PDK4: variants seen among roughly 807,000 people sequenced by gnomAD.
PDK4 encodes the protein pyruvate dehydrogenase kinase 4.
In PDK4, 43 loss-of-function variants were observed where a neutral mutation model predicts 51.7. That is an observed-to-expected ratio of 0.83 (90% CI 0.65 to 1.07). The LOEUF (loss-of-function observed/expected upper bound fraction) is 1.07, where lower values mean the gene tolerates loss of function less well. Ranked by LOEUF, PDK4 falls within the 50% of genes least tolerant of loss-of-function variation. The probability of loss-of-function intolerance (pLI) is 0.00; values close to 1 mark genes in which losing one functional copy is unlikely to be tolerated. For missense variants in PDK4, 498 were observed against 503.5 expected (o/e 0.99, Z 0.10); for synonymous variants, 170 against 176.6 (o/e 0.96, Z 0.30).
intron 2 of PDK4, chr7:95,594,674 T>C (rs1791593935): frequency 6.4e-6 from 1 of 156,278 alleles, no homozygotes; most frequent in South Asian, 2.0e-4. Context: ...GTCATGTGAA[T>C]TGGTTTCTAG....
chr7:95,590,352 T>C (rs1417164903), intron 6 of PDK4, among the ~76,000 whole-genome samples: 1 of 152,046 alleles, frequency 6.6e-6, no homozygotes, highest in Non-Finnish European at 1.5e-5. Context: ...TCTTATATGT[T>C]AAATATGCTA....
intron 5 of PDK4, 38 bp downstream of exon 5, chr7:95,592,473 C>T (rs750999457): frequency 9.7e-6 from 11 of 1,130,632 alleles, no homozygotes; most frequent in Non-Finnish European, 1.5e-5. Flanking sequence ...ATATATTGTA[C>T]ATTTTCAATA....
intron 2 of PDK4, 56 bp from the exon 3 acceptor site, chr7:95,593,826 C>T (rs1791582523): frequency 1.4e-6 from 1 of 740,104 alleles, no homozygotes; most frequent in South Asian, 1.7e-5. Context: ...ATACAAATGG[C>T]TGAAAATAGA....
intron 2 of PDK4, 65 bp downstream of exon 2, chr7:95,594,958 G>A (rs1251856711): frequency 3.5e-6 from 4 of 1,128,712 alleles, no homozygotes; most frequent in Non-Finnish European, 5.2e-6. Context: ...TGTTAACATA[G>A]TATAAGAATT....
At chr7:95,591,081 G>A (rs764790545) in intron 6 of PDK4, among the ~76,000 whole-genome samples, 2 of 152,078 alleles carry the variant, frequency 1.3e-5, no homozygotes, top group African/African-American at 2.4e-5. Context: ...GGGACTACAC[G>A]TGTGTGCCAC....
chr7:95,592,602 T>C lies in PDK4; in HGVS notation c.530-5A>G. Reference sequence around the variant, plus strand: ...GTGAGTCACTAAATATAAGAACTGTTGAAAAATAAAAACAAAAAAAAATTG... The same window carrying C: ...GTGAGTCACTAAATATAAGAACTGTCGAAAAATAAAAACAAAAAAAAATTG... On this transcript the variant is annotated splice_region_variant and splice_polypyrimidine_tract_variant and intron_variant, in intron 4 of 10. Transcript: ENST00000005178. 6.3e-7 allele frequency: 1 copy of C among 1,591,384 alleles called. No homozygotes were observed. Among genetic ancestry groups the C allele is most frequent in the African/African-American group, 1.3e-5 (1 of 74,376 alleles).
chr7:95,594,363 A>C (rs1249900441), intron 2 of PDK4, among the ~76,000 whole-genome samples: 1 of 152,134 alleles, frequency 6.6e-6, no homozygotes, highest in Non-Finnish European at 1.5e-5. Flanking sequence ...ATCTTCATTT[A>C]TAAAATGAGA....
In PDK4 at chr7:95,585,681, C is replaced by A. The variant is rs1485276784; in HGVS notation, c.1196G>T (p.Ser399Ile). ...SSEADDWCIP[S>I]REPKNLAKEV... Reference sequence around the variant, plus strand: ...TTTTGCCAGGTTCTTTGGTTCCCTGCTTGGGATACACCAGTCATCAGCCTC... The same window carrying A: ...TTTTGCCAGGTTCTTTGGTTCCCTGATTGGGATACACCAGTCATCAGCCTC... The change falls in exon 11 of 11, where the codon AGC (serine) becomes ATC (isoleucine). Residue 399 changes from serine to isoleucine, a missense_variant. Ser to Ile is a moderately radical substitution (Grantham distance 142). Coordinates refer to ENST00000005178, the MANE Select transcript of PDK4 (RefSeq NM_002612.4). The A allele has an allele frequency of 6.2e-7, 1 of 1,611,518 alleles. No homozygotes were observed.
At chr7:95,593,892 AC>A (rs1488119881) in intron 2 of PDK4, 122 bp from the exon 3 acceptor site, 4 of 445,554 alleles carry the variant, frequency 9.0e-6, no homozygotes, top group Non-Finnish European at 1.6e-5. Flanking sequence ...CAAACTTAAA[AC>A]TTTCCTCCAG....
At chr7:95,592,110 C>A in intron 5 of PDK4, 45 bp from the exon 6 acceptor site, 1 of 1,063,296 alleles carries the variant, frequency 9.4e-7, no homozygotes, top group Non-Finnish European at 1.4e-6. Flanking sequence ...GAGTTTATGC[C>A]AAGTACAGTT....
Position 95,587,743 on chromosome 7 carries a change from T to C in PDK4, c.854A>G (p.Glu285Gly). 2 of 1,610,166 alleles carry C rather than the reference T, an allele frequency of 1.2e-6. No individual in the cohort carries two copies. Among genetic ancestry groups the C allele is most frequent in the Non-Finnish European group, 1.7e-6 (2 of 1,176,420 alleles). Residue 285 changes from glutamate to glycine, a missense_variant, in exon 8 of 11, where the codon GAA becomes GGA. Coordinates refer to ENST00000005178, the MANE Select transcript of PDK4 (RefSeq NM_002612.4). ...AATGGTTACCTTAATGGTAAGGTCT[T>C]CTTTTCCCAAGACAACAATAACCTC... ...PIEVIVVLGK[E>G]DLTIKISDRG...
chr7:95,591,938 G>A (rs1341827775), intron 6 of PDK4, 50 bp downstream of exon 6: 3 of 921,552 alleles, frequency 3.3e-6, no homozygotes, highest in Non-Finnish European at 5.1e-6. Flanking sequence ...ATAATATTAG[G>A]AGAACACAGA....
chr7:95,596,477 A>AGG lies in PDK4; in HGVS notation c.-185_-184insCC, dbSNP rs17166978. 0.22 allele frequency: 121,283 copies of AGG among 556,746 alleles called. 18,153 individuals carry two copies. The highest frequency in any genetic ancestry group is 0.67 in the East Asian group (18,910 of 28,180). The allele number at this position is 556,746 out of a possible 1,614,324, so 34.5% of individuals were successfully genotyped here. A position where few individuals can be genotyped will look rare whatever the true frequency, so the allele number is the denominator to read the frequency against. ...GCCGCGGAGTGAAGAGTCTGGGCAG[A>AGG]GTCGGAGATGCAGTGGTTCGAGATT... On this transcript the variant is annotated 5_prime_UTR_variant, in exon 1 of 11. Transcript: ENST00000005178.
At position 95,585,639 on chromosome 7, in the gene PDK4, C is replaced by T; in HGVS notation, c.*2G>A. 6.2e-7 allele frequency: 1 copy of T among 1,608,012 alleles called. No homozygotes were observed. Among genetic ancestry groups the T allele is most frequent in the Non-Finnish European group, 8.5e-7 (1 of 1,175,646 alleles). ...CCCGTAAAGTGTCCTGAGTGTCCCT[C>T]TTCACATGGCCACTTCTTTTGCCAG... On this transcript the variant is annotated 3_prime_UTR_variant, in exon 11 of 11. Transcript: ENST00000005178.
chr7:95,596,299 C>G lies in PDK4; in HGVS notation c.-6G>C. 2 of 1,567,126 alleles carry G rather than the reference C, an allele frequency of 1.3e-6. No homozygotes were observed. The highest frequency in any genetic ancestry group is 1.2e-5 in the South Asian group (1 of 85,932). ...ACGAAGCGGGCCGCCTTCATCTTGA[C>G]GCCCACCCGGCCTGGCGGGGACTGT... On this transcript the variant is annotated 5_prime_UTR_variant, in exon 1 of 11. Transcript: ENST00000005178.
intron 7 of PDK4, 69 bp downstream of exon 7, chr7:95,589,571 A>C (rs753652441): frequency 1.4e-5 from 11 of 773,974 alleles, no homozygotes; most frequent in Admixed American, 9.3e-5. Context: ...GCGAATAATA[A>C]AGGAGATAAA....
At chr7:95,587,941 T>G (rs1020506669) in intron 7 of PDK4, 116 bp from the exon 8 acceptor site, 1 of 693,174 alleles carries the variant, frequency 1.4e-6, no homozygotes, top group Admixed American at 2.7e-5. Flanking sequence ...GTTCCTATTT[T>G]TTTAAGTTAG....
chr7:95,587,691 C>T lies in PDK4; in HGVS notation c.870+36G>A, dbSNP rs202019690. On this transcript the variant is annotated intron_variant, in intron 8 of 10. Coordinates refer to ENST00000005178, the MANE Select transcript of PDK4 (RefSeq NM_002612.4). ...TACTATTGACCCTATTTAATTCTCT[C>T]AAGAGACACCCAAAAGGAAAACAGA... 4.3e-4 allele frequency: 624 copies of T among 1,436,884 alleles called. 2 individuals carry two copies. Among genetic ancestry groups the T allele is most frequent in the Middle Eastern group, 1.4e-3 (8 of 5,704 alleles). 89.0% of individuals were successfully genotyped at this position (1,436,884 alleles called of 1,614,324 possible). A position where few individuals can be genotyped will look rare whatever the true frequency, so the allele number is the denominator to read the frequency against.
chr7:95,596,280 C>A lies in PDK4; in HGVS notation c.14G>T (p.Arg5Leu). 1.9e-6 allele frequency: 3 copies of A among 1,576,240 alleles called. No homozygotes were observed. The highest frequency in any genetic ancestry group is 1.8e-5 in the Admixed American group (1 of 54,436). Residue 5 changes from arginine to leucine, a missense_variant, in exon 1 of 11, where the codon CGC (arginine) becomes CTC (leucine). Physicochemically the swap from Arg to Leu is moderately radical, Grantham distance 102. Coordinates refer to ENST00000005178, the MANE Select transcript of PDK4 (RefSeq NM_002612.4). Reference sequence around the variant, plus strand: ...CGAGCCAGCGCTGCGCAGCACGAAGCGGGCCGCCTTCATCTTGACGCCCAC... The same window carrying A: ...CGAGCCAGCGCTGCGCAGCACGAAGAGGGCCGCCTTCATCTTGACGCCCAC... MKAA[R>L]FVLRSAGSLN...
Sources: allele counts gnomAD v4.1 joint callset (sites outside exome capture counted in the v4.1 genomes callset), GRCh38; gene constraint gnomAD v4.1.1; transcripts MANE v1.5; gene names NCBI Gene and HGNC (gene_info 2026-07-23, HGNC 2026-07-21).